The following PLXNA4 variants were observed in gnomAD, a reference collection of about 807,000 sequenced individuals.
PLXNA4 encodes plexin-A4.
PLXNA4 carries 44 observed loss-of-function variants against 191.8 expected under a neutral mutation model. The observed-to-expected ratio is 0.23, with a 90% CI of 0.18 to 0.29. The LOEUF (loss-of-function observed/expected upper bound fraction) is 0.29, where lower values mean the gene tolerates loss of function less well. Among genes scored for constraint, PLXNA4 ranks in the 10% least tolerant of loss-of-function variants. The pLI, the probability that PLXNA4 is intolerant of heterozygous loss-of-function variation, is 1.00. For synonymous variants in PLXNA4, 1,082 were observed against 1,009.5 expected (o/e 1.07, Z -1.36); for missense variants, 1,800 against 2,488.8 (o/e 0.72, Z 5.89).
At position 132,145,011 on chromosome 7, in the gene PLXNA4, C is replaced by T. The variant is rs920653464; in HGVS notation, c.5225+108G>A. On this transcript the variant is annotated intron_variant, in intron 29 of 31. Transcript: ENST00000321063. ...TGCTCAGAGTCCCTGCTGATGAAAACAGGCTCTGGCCAGCCCTTCTCCTGG... is the reference window on the plus strand; with the variant it reads ...TGCTCAGAGTCCCTGCTGATGAAAATAGGCTCTGGCCAGCCCTTCTCCTGG... 32 of 1,520,122 alleles carry T rather than the reference C, an allele frequency of 2.1e-5. No individual in the cohort carries two copies. In the East Asian group the frequency reaches 7.1e-4, roughly 34 times the overall value. 94.2% of individuals were successfully genotyped at this position (1,520,122 alleles called of 1,614,324 possible).
intron 3 of PLXNA4, among the ~76,000 whole-genome samples, chr7:132,315,284 C>A (rs1434051360): frequency 6.6e-6 from 1 of 152,078 alleles, no homozygotes; most frequent in African/African-American, 2.4e-5. Flanking sequence ...AAAATCCCAC[C>A]CAGAAATGCA....
intron 4 of PLXNA4, among the ~76,000 whole-genome samples, chr7:132,247,080 C>T (rs1042452515): frequency 3.3e-5 from 5 of 152,142 alleles, no homozygotes; most frequent in Non-Finnish European, 5.9e-5. Context: ...GCCCAACTCC[C>T]ACCTGGTTTC....
At chr7:132,576,938 T>G (rs1323452008), upstream of PLXNA4, 1 of 148,486 alleles carries the variant, frequency 6.7e-6, no homozygotes, top group South Asian at 2.1e-4. The surrounding 1 kb of genome is among the most constrained non-coding windows in gnomAD (Gnocchi z 5.8). Context: ...GGGAGCGCTC[T>G]CGGCGCCTCT....
chr7:132,232,742 A>C (rs1798564599), intron 5 of PLXNA4, among the ~76,000 whole-genome samples: 2 of 152,128 alleles, frequency 1.3e-5, no homozygotes, highest in Admixed American at 6.5e-5. Flanking sequence ...AAGGGAGAGG[A>C]ATGAAGGAAG....
chr7:132,605,419 A>G (rs1419686786), intron 2 of PLXNA4, among the ~76,000 whole-genome samples: 1 of 152,150 alleles, frequency 6.6e-6, no homozygotes, highest in Non-Finnish European at 1.5e-5. Context: ...GGATTTGGGG[A>G]CAAGGCAGAA....
rs997874613 is a variant in PLXNA4, at chr7:132,159,753, A to G, written c.4501-121T>C. ...TCATCCTCTCCAGGATGGGCTAGGG[A>G]GGAGTAGGGTGGCTCCAGGCCATCT... On this transcript the variant is annotated intron_variant, in intron 24 of 31. Transcript: ENST00000321063. 40 of 1,503,262 alleles carry G rather than the reference A, an allele frequency of 2.7e-5. No homozygotes were observed. In the Middle Eastern group the frequency reaches 8.8e-4, roughly 33 times the overall value. The allele number at this position is 1,503,262 out of a possible 1,614,324, so 93.1% of individuals were successfully genotyped here.
At chr7:132,162,862 G>A (rs906764814) in intron 24 of PLXNA4, among the ~76,000 whole-genome samples, 3 of 152,114 alleles carry the variant, frequency 2.0e-5, no homozygotes, top group Admixed American at 2.0e-4. Flanking sequence ...CCAGCCAGCA[G>A]GGATGGCTTT....
At chr7:132,499,217 C>T (rs1178385931) in intron 2 of PLXNA4, among the ~76,000 whole-genome samples, 2 of 152,232 alleles carry the variant, frequency 1.3e-5, no homozygotes, top group Non-Finnish European at 2.9e-5. Flanking sequence ...ACCTTCTCCT[C>T]ATTAGCTTAG....
intron 30 of PLXNA4, among the ~76,000 whole-genome samples, chr7:132,134,604 G>C (rs1462460336): frequency 1.3e-5 from 2 of 152,174 alleles, no homozygotes; most frequent in African/African-American, 4.8e-5. Context: ...CTGGTCAGAG[G>C]GGACTCCCCT....
chr7:132,478,631 A>T (rs1797218242), intron 3 of PLXNA4, among the ~76,000 whole-genome samples: 1 of 152,236 alleles, frequency 6.6e-6, no homozygotes. Flanking sequence ...TAAGGCACCC[A>T]TATATGATCT....
chr7:132,454,065 T>G (rs1796226690), intron 3 of PLXNA4, among the ~76,000 whole-genome samples: 1 of 152,190 alleles, frequency 6.6e-6, no homozygotes, highest in Admixed American at 6.5e-5. Flanking sequence ...CCACTGGGTT[T>G]AGTGTGTCTG....
At chr7:132,336,926 G>A (rs1276083860) in intron 3 of PLXNA4, among the ~76,000 whole-genome samples, 2 of 152,326 alleles carry the variant, frequency 1.3e-5, no homozygotes, top group Non-Finnish European at 2.9e-5. Flanking sequence ...CTGCTTCTGC[G>A]TGGACTTTGT....
At chr7:132,471,241 A>G (rs7786042) in intron 3 of PLXNA4, among the ~76,000 whole-genome samples, 21,392 of 152,080 alleles carry the variant, frequency 0.14, 2,261 homozygotes, top group African/African-American at 0.29. Context: ...AGCCAAGCAG[A>G]TATACACCCT....
At chr7:132,440,526 G>A (rs186826565) in intron 3 of PLXNA4, among the ~76,000 whole-genome samples, 14 of 152,208 alleles carry the variant, frequency 9.2e-5, no homozygotes, top group Admixed American at 5.2e-4. Flanking sequence ...CAGAAAATCC[G>A]TACTCTCAAG....
intron 1 of PLXNA4, among the ~76,000 whole-genome samples, chr7:132,521,574 C>T (rs1208827142): frequency 6.6e-6 from 1 of 152,176 alleles, no homozygotes; most frequent in East Asian, 1.9e-4. Flanking sequence ...TCCAAATTAA[C>T]TAACACATCC....
chr7:132,475,793 A>G (rs1585191665), intron 3 of PLXNA4, among the ~76,000 whole-genome samples: 1 of 151,838 alleles, frequency 6.6e-6, no homozygotes, highest in African/African-American at 2.4e-5. Flanking sequence ...TTCCCCCCAC[A>G]CCCAGAGGAG....
chr7:132,630,442 A>T (rs1443837701), intron 2 of PLXNA4, among the ~76,000 whole-genome samples: 1 of 152,210 alleles, frequency 6.6e-6, no homozygotes, highest in South Asian at 2.1e-4. Context: ...TAAGTCATTT[A>T]TCATGTGCCC....
intron 5 of PLXNA4, among the ~76,000 whole-genome samples, chr7:132,239,836 C>T (rs980793789): frequency 9.9e-5 from 15 of 152,138 alleles, no homozygotes; most frequent in Admixed American, 3.9e-4. Context: ...CAGGGTGGCA[C>T]GGCCATAGAC....
intron 3 of PLXNA4, among the ~76,000 whole-genome samples, chr7:132,322,086 G>A (rs1011686189): frequency 6.6e-6 from 1 of 152,008 alleles, no homozygotes; most frequent in Non-Finnish European, 1.5e-5. Flanking sequence ...AGAGAAATCT[G>A]GAAATCTTTG....
Sources: gnomAD v4.1 joint callset for allele counts (sites outside exome capture counted in the v4.1 genomes callset) on GRCh38, gnomAD v4.1.1 for gene constraint, Gnocchi (gnomAD v3.1) non-coding constraint, MANE v1.5 for transcripts, NCBI Gene and HGNC (gene_info 2026-07-23, HGNC 2026-07-21) for gene names.